CCDC152: variants seen among roughly 807,000 people sequenced by gnomAD.
The protein encoded by CCDC152 is coiled-coil domain containing 152.
CCDC152 carries 37 observed loss-of-function variants against 38.1 expected under a neutral mutation model. That is an observed-to-expected ratio of 0.97 (90% CI 0.75 to 1.28). The LOEUF is 1.28. Ranked by LOEUF, CCDC152 falls within the 50% of genes most tolerant of loss-of-function variation. CCDC152 has a pLI of 0.00. For synonymous variants in CCDC152, 83 were observed against 87.1 expected (o/e 0.95, Z 0.26); for missense variants, 259 against 292.1 (o/e 0.89, Z 0.83).
rs1759875676 is a variant in CCDC152 at position 42,783,469 on chromosome 5, T to C, written c.328-5T>C. Reference sequence around the variant, plus strand: ...TTAAAAATTAATATATATTTTAATCTTTAGGAATATAAGAATAATATTGCC... The same window carrying C: ...TTAAAAATTAATATATATTTTAATCCTTAGGAATATAAGAATAATATTGCC... On this transcript the variant is annotated splice_region_variant and splice_polypyrimidine_tract_variant and intron_variant, in intron 5 of 8. Transcript: ENST00000361970. 8.5e-7 allele frequency: 1 copy of C among 1,178,838 alleles called. No homozygotes were observed. Among genetic ancestry groups the C allele is most frequent in the African/African-American group, 1.6e-5 (1 of 62,224 alleles). 73.0% of individuals were successfully genotyped at this position (1,178,838 alleles called of 1,614,324 possible). A position where few individuals can be genotyped will look rare whatever the true frequency, so the allele number is the denominator to read the frequency against.
chr5:42,792,404 T>A (rs964910925), intron 6 of CCDC152, among the ~76,000 whole-genome samples: 4 of 152,222 alleles, frequency 2.6e-5, no homozygotes, highest in African/African-American at 9.6e-5. Context: ...TCATTATCCT[T>A]TAGTATAATG....
chr5:42,788,011 AGTT>A (rs930985832), intron 6 of CCDC152, among the ~76,000 whole-genome samples: 6 of 152,110 alleles, frequency 3.9e-5, no homozygotes, highest in African/African-American at 1.4e-4. Flanking sequence ...TTATAGTCTC[AGTT>A]GTTTGTTTTA....
intron 6 of CCDC152, among the ~76,000 whole-genome samples, chr5:42,785,144 A>T: frequency 6.6e-6 from 1 of 151,968 alleles, no homozygotes; most frequent in East Asian, 1.9e-4. Flanking sequence ...GTGAAAACTT[A>T]CATTGTTAAT....
rs1158570932 is a variant in CCDC152 at position 42,769,674 on chromosome 5, GA to G, written c.262+17del. On this transcript the variant is annotated intron_variant, in intron 4 of 8. Transcript: ENST00000361970. ...TCAACAGAATTTGAAAGGTAAGTTA[GA>G]AAAAAAAGTAAAATCTAAAAAAGCA... 40 of 1,466,600 alleles carry G rather than the reference GA, an allele frequency of 2.7e-5. No homozygotes were observed. The highest frequency in any genetic ancestry group is 8.0e-5 in the Admixed American group (3 of 37,318). The allele number at this position is 1,466,600 out of a possible 1,614,324, so 90.8% of individuals were successfully genotyped here.
chr5:42,775,504 G>T (rs1230237493), intron 4 of CCDC152, among the ~76,000 whole-genome samples: 1 of 152,060 alleles, frequency 6.6e-6, no homozygotes, highest in Non-Finnish European at 1.5e-5. Context: ...TAGAAATAAA[G>T]ACTTTCTTAG....
intron 6 of CCDC152, among the ~76,000 whole-genome samples, chr5:42,787,413 T>C (rs962454743): frequency 6.6e-6 from 1 of 152,118 alleles, no homozygotes; most frequent in Non-Finnish European, 1.5e-5. Flanking sequence ...TTTCTCTGTG[T>C]TGGTTTTCAA....
chr5:42,782,876 T>A (rs1759866105), intron 5 of CCDC152, among the ~76,000 whole-genome samples: 1 of 151,498 alleles, frequency 6.6e-6, no homozygotes, highest in African/African-American at 2.4e-5. Context: ...AAATTTAAAT[T>A]TTTTTTTTGA....
intron 6 of CCDC152, among the ~76,000 whole-genome samples, chr5:42,789,462 T>C (rs4866961): frequency 0.22 from 32,949 of 152,134 alleles, 4,505 homozygotes; most frequent in Admixed American, 0.35. Context: ...CCTCCCAAAG[T>C]GCTGAGACTA....
intron 7 of CCDC152, among the ~76,000 whole-genome samples, chr5:42,797,557 A>T (rs776709002): frequency 5.9e-5 from 9 of 152,162 alleles, no homozygotes; most frequent in Non-Finnish European, 1.2e-4. Flanking sequence ...AAACTCAAGG[A>T]TTATCTGCAT....
chr5:42,781,938 T>C (rs1335118350), intron 5 of CCDC152, among the ~76,000 whole-genome samples: 1 of 152,184 alleles, frequency 6.6e-6, no homozygotes, highest in Non-Finnish European at 1.5e-5. Flanking sequence ...TGTAGGACCA[T>C]ACCCCCGGTA....
At chr5:42,769,694 A>T (rs920425480) in intron 4 of CCDC152, 29 bp downstream of exon 4, 1 of 1,466,936 alleles carries the variant, frequency 6.8e-7, no homozygotes, top group African/African-American at 1.4e-5. Context: ...TAAAATCTAA[A>T]AAAGCATTGT....
At chr5:42,783,901 A>G (rs570741237) in intron 6 of CCDC152, among the ~76,000 whole-genome samples, 1 of 152,130 alleles carries the variant, frequency 6.6e-6, no homozygotes, top group Non-Finnish European at 1.5e-5. Context: ...AGCTCCAACC[A>G]TGTTGGCAAA....
intron 6 of CCDC152, 52 bp from the exon 7 acceptor site, chr5:42,796,777 A>G: frequency 8.5e-7 from 1 of 1,181,608 alleles, no homozygotes; most frequent in East Asian, 2.9e-5. Context: ...ACAAACTTAT[A>G]ATAATTTTGA....
At chr5:42,759,035 T>C in intron 1 of CCDC152, 85 bp from the exon 2 acceptor site, 1 of 927,846 alleles carries the variant, frequency 1.1e-6, no homozygotes, top group Non-Finnish European at 1.6e-6. Context: ...AATATAGAAA[T>C]GTTAGTATTT....
intron 2 of CCDC152, among the ~76,000 whole-genome samples, chr5:42,760,973 C>T (rs532359864): frequency 3.4e-4 from 51 of 152,094 alleles, no homozygotes; most frequent in African/African-American, 1.2e-3. Context: ...GTATTGTGGC[C>T]ATATTTTGAA....
rs543577495 is a variant in CCDC152 at position 42,771,585 on chromosome 5, G to A, written c.262+1920G>A. ...TAAAAGCAGAAATGAAAGAGAAGAC[G>A]ATACAACTGAAATCCTAGGGGGCGT... On this transcript the variant is annotated intron_variant, in intron 4 of 8. Transcript: ENST00000361970. Among the ~76,000 whole-genome samples the A allele has an allele frequency of 1.1e-4, 17 of 151,674 alleles. No individual in the cohort carries two copies. The East Asian group carries it at 2.5e-3, about 22-fold the overall frequency.
intron 6 of CCDC152, among the ~76,000 whole-genome samples, chr5:42,786,984 T>C (rs2111578406): frequency 6.6e-6 from 1 of 152,170 alleles, no homozygotes; most frequent in African/African-American, 2.4e-5. Flanking sequence ...TATGTATTTC[T>C]GATTTTATTC....
chr5:42,782,249 G>C (rs1248324592), intron 5 of CCDC152, among the ~76,000 whole-genome samples: 1 of 152,146 alleles, frequency 6.6e-6, no homozygotes. Context: ...TTACATTATA[G>C]TAAGCTTGCT....
At chr5:42,772,177 T>C (rs577248133) in intron 4 of CCDC152, among the ~76,000 whole-genome samples, 114 of 152,268 alleles carry the variant, frequency 7.5e-4, no homozygotes, top group Admixed American at 2.2e-3. Context: ...AAAAAACACA[T>C]GAACACCTCA....
Sources: allele counts gnomAD v4.1 joint callset (sites outside exome capture counted in the v4.1 genomes callset), GRCh38; gene constraint gnomAD v4.1.1; transcripts MANE v1.5; gene names NCBI Gene and HGNC (gene_info 2026-07-23, HGNC 2026-07-21).